Variants in ZNF827 observed in about 807,000 individuals in gnomAD.
ZNF827 encodes the protein zinc finger protein 827.
ZNF827 carries 13 observed loss-of-function variants against 102.4 expected under a neutral mutation model. That is an observed-to-expected ratio of 0.13 (90% confidence interval 0.08 to 0.20). The LOEUF is 0.20. Ranked by LOEUF, ZNF827 falls within the 10% of genes least tolerant of loss-of-function variation. The pLI, the probability that ZNF827 is intolerant of heterozygous loss-of-function variation, is 1.00. For synonymous variants in ZNF827, 523 were observed against 536.2 expected (o/e 0.98, Z 0.34); for missense variants, 1,103 against 1,344.4 (o/e 0.82, Z 2.81).
At chr4:145,827,288 G>A (rs1439037177) in intron 7 of ZNF827, among the ~76,000 whole-genome samples, 1 of 152,170 alleles carries the variant, frequency 6.6e-6, no homozygotes, top group Non-Finnish European at 1.5e-5. Flanking sequence ...TGCAACAAAT[G>A]GAGAAAAGGA....
intron 1 of ZNF827, among the ~76,000 whole-genome samples, chr4:145,921,096 C>CA (rs1300752830): frequency 8.5e-5 from 13 of 152,142 alleles, no homozygotes; most frequent in Admixed American, 7.9e-4. Flanking sequence ...AAAGGCTTCT[C>CA]AGAGAACTGA....
At chr4:145,923,333 G>A (rs905634964) in intron 1 of ZNF827, among the ~76,000 whole-genome samples, 20 of 152,190 alleles carry the variant, frequency 1.3e-4, no homozygotes, top group African/African-American at 3.6e-4. Flanking sequence ...GGCCAGGTGC[G>A]GAGGCTCATG....
rs530579013 is a variant in ZNF827, at chr4:145,858,543, G to A, written c.1982-8982C>T. Among the ~76,000 whole-genome samples, 4 of 151,786 alleles carry A rather than the reference G, an allele frequency of 2.6e-5. No individual in the cohort carries two copies. In the East Asian group the frequency reaches 7.8e-4, roughly 29 times the overall value. On this transcript the variant is annotated intron_variant, in intron 5 of 14. Transcript: ENST00000508784. ...TGTAGTCCCAGCTACTTGGGAGGCT[G>A]AGGTGGGAGGATAGCTTGAGGCCAG...
At chr4:145,882,704 G>A (rs538263571) in intron 4 of ZNF827, among the ~76,000 whole-genome samples, 1 of 152,264 alleles carries the variant, frequency 6.6e-6, no homozygotes, top group East Asian at 1.9e-4. Context: ...GTGTCTGCAC[G>A]CTTGAATTTG....
intron 5 of ZNF827, among the ~76,000 whole-genome samples, chr4:145,862,856 G>T (rs1454220650): frequency 1.3e-5 from 2 of 152,128 alleles, no homozygotes; most frequent in East Asian, 3.8e-4. Flanking sequence ...TGGAAAATGT[G>T]ATAGGGCTCA....
At chr4:145,925,424 C>G (rs1405282588) in intron 1 of ZNF827, among the ~76,000 whole-genome samples, 1 of 152,170 alleles carries the variant, frequency 6.6e-6, no homozygotes, top group Non-Finnish European at 1.5e-5. Flanking sequence ...AAACATTTAC[C>G]CATCTAACTG....
At chr4:145,829,349 T>C (rs1198211729) in intron 7 of ZNF827, among the ~76,000 whole-genome samples, 2 of 152,126 alleles carry the variant, frequency 1.3e-5, no homozygotes, top group East Asian at 1.9e-4. Context: ...AAAGTGACAG[T>C]CTGACTTCTA....
chr4:145,804,018 C>A (rs1444959535), intron 8 of ZNF827, among the ~76,000 whole-genome samples: 1 of 152,122 alleles, frequency 6.6e-6, no homozygotes, highest in Non-Finnish European at 1.5e-5. Context: ...TTTCAGTCAA[C>A]CAAGAATTTT....
At chr4:145,906,559 G>A (rs893728845) in intron 1 of ZNF827, among the ~76,000 whole-genome samples, 1 of 152,086 alleles carries the variant, frequency 6.6e-6, no homozygotes, top group African/African-American at 2.4e-5. Flanking sequence ...CCCTCCAAAC[G>A]TGCTGAAACA....
intron 1 of ZNF827, among the ~76,000 whole-genome samples, chr4:145,936,905 G>A (rs994982878): frequency 2.6e-5 from 4 of 151,982 alleles, no homozygotes; most frequent in Non-Finnish European, 5.9e-5. Context: ...GCCGGGAGAG[G>A]GGAGTAGTGT....
intron 5 of ZNF827, among the ~76,000 whole-genome samples, chr4:145,865,485 G>A (rs1420450478): frequency 6.6e-6 from 1 of 152,106 alleles, no homozygotes; most frequent in Admixed American, 6.6e-5. Context: ...ACAGACAGCG[G>A]GACTCCCACC....
At chr4:145,899,616 C>T (rs1163026293) in intron 2 of ZNF827, among the ~76,000 whole-genome samples, 3 of 152,238 alleles carry the variant, frequency 2.0e-5, no homozygotes, top group African/African-American at 4.8e-5. Flanking sequence ...CCCACGTGGA[C>T]GTATGGAATA....
chr4:145,918,578 T>C (rs1752850952), intron 1 of ZNF827, among the ~76,000 whole-genome samples: 1 of 151,898 alleles, frequency 6.6e-6, no homozygotes, highest in African/African-American at 2.4e-5. Flanking sequence ...CAGCCACTTG[T>C]GTAAGTCATT....
intron 8 of ZNF827, among the ~76,000 whole-genome samples, chr4:145,806,491 T>C (rs567361563): frequency 6.6e-6 from 1 of 152,260 alleles, no homozygotes; most frequent in South Asian, 2.1e-4. Flanking sequence ...CCCAGTGATA[T>C]GCACACCTCA....
intron 2 of ZNF827, among the ~76,000 whole-genome samples, chr4:145,900,331 T>A (rs1271377273): frequency 6.6e-6 from 1 of 152,238 alleles, no homozygotes; most frequent in African/African-American, 2.4e-5. Context: ...AATGTCCAGA[T>A]GAATTGTATA....
At chr4:145,884,134 C>A (rs1026725621) in intron 4 of ZNF827, among the ~76,000 whole-genome samples, 1 of 152,140 alleles carries the variant, frequency 6.6e-6, no homozygotes, top group East Asian at 1.9e-4. Context: ...CAGCATAGGG[C>A]CCCCTCACTC....
intron 8 of ZNF827, among the ~76,000 whole-genome samples, chr4:145,795,289 A>C (rs1445664498): frequency 6.6e-6 from 1 of 152,174 alleles, no homozygotes; most frequent in Non-Finnish European, 1.5e-5. Flanking sequence ...CTGGGATTAC[A>C]AAGCACCCAC....
rs200461563 is a variant in ZNF827, at chr4:145,885,610, CAGAGAGAGAGAGAGAGAG to C, written c.1747+50_1747+67del. The C allele has an allele frequency of 4.1e-3, 4,775 of 1,174,794 alleles. 6 individuals carry two copies. Among genetic ancestry groups the C allele is most frequent in the Non-Finnish European group, 4.8e-3 (4,266 of 882,152 alleles). 72.8% of individuals were successfully genotyped at this position (1,174,794 alleles called of 1,614,324 possible). On this transcript the variant is annotated intron_variant, in intron 4 of 14. Coordinates refer to ENST00000508784, the MANE Select transcript of ZNF827 (RefSeq NM_001306215.2). ...AAATAAGAATACTGGTAGACAGAGA[CAGAGAGAGAGAGAGAGAG>C]AGAGAGAGAGAGAGAGAGAGAGAGA...
intron 1 of ZNF827, among the ~76,000 whole-genome samples, chr4:145,933,325 T>C (rs1156829218): frequency 3.3e-5 from 5 of 152,150 alleles, no homozygotes; most frequent in African/African-American, 1.2e-4. Flanking sequence ...CAGTGAAATA[T>C]TTTGCTACTT....
Sources: gnomAD v4.1 joint callset for allele counts (sites outside exome capture counted in the v4.1 genomes callset) on GRCh38, gnomAD v4.1.1 for gene constraint, MANE v1.5 for transcripts, NCBI Gene and HGNC (gene_info 2026-07-23, HGNC 2026-07-21) for gene names.